Variants in DDI2 observed in about 807,000 individuals in gnomAD.
The protein encoded by DDI2 is DDI proteasomal shuttling factor 2.
DDI2 carries 5 observed loss-of-function variants against 48.1 expected under a neutral mutation model. That is an observed-to-expected ratio of 0.10 (90% CI 0.05 to 0.22). The LOEUF (loss-of-function observed/expected upper bound fraction) is 0.22, where lower values mean the gene tolerates loss of function less well. DDI2 is among the 10% of genes least tolerant of loss of function. The pLI, the probability that DDI2 is intolerant of heterozygous loss-of-function variation, is 1.00. For missense variants in DDI2, 285 were observed against 506.2 expected (o/e 0.56, Z 4.19); for synonymous variants, 205 against 183.6 (o/e 1.12, Z -0.94).
chr1:15,647,793 C>G (rs1640114012), intron 6 of DDI2, among the ~76,000 whole-genome samples: 1 of 151,996 alleles, frequency 6.6e-6, no homozygotes, highest in Non-Finnish European at 1.5e-5. Flanking sequence ...GAAACCACAT[C>G]TCTACTAAAA....
In DDI2 at chr1:15,660,978, T is replaced by C. The variant is rs143305830; in HGVS notation, c.*1188T>C. ...TTTTGGTTGTTAGCAGTAAACCAGCTTCAGAAAATACATCTGAAGAAGTAA... is the reference window on the plus strand; with the variant it reads ...TTTTGGTTGTTAGCAGTAAACCAGCCTCAGAAAATACATCTGAAGAAGTAA... On this transcript the variant is annotated 3_prime_UTR_variant, in exon 10 of 10. Coordinates refer to ENST00000480945, the MANE Select transcript of DDI2 (RefSeq NM_032341.5). The C allele has an allele frequency of 7.1e-4, 1,141 of 1,613,988 alleles. 15 individuals are homozygous for C. The East Asian group carries it at 0.022, about 31-fold the overall frequency.
chr1:15,663,393 G>A lies in DDI2; in HGVS notation c.*3603G>A, dbSNP rs1057041557. ...CTTCTTTCTTTCCTTTTGCTATGAT[G>A]TTTGTATGTATGTTATAAGACTTTA... On this transcript the variant is annotated 3_prime_UTR_variant, in exon 10 of 10. Coordinates refer to ENST00000480945, the MANE Select transcript of DDI2 (RefSeq NM_032341.5). 6.6e-6 allele frequency: 1 copy of A among 152,122 alleles called. No individual in the cohort carries two copies. The highest frequency in any genetic ancestry group is 2.4e-5 in the African/African-American group (1 of 41,422). The allele number at this position is 152,122 out of a possible 1,614,324, so 9.4% of individuals were successfully genotyped here. A position where few individuals can be genotyped will look rare whatever the true frequency, so the allele number is the denominator to read the frequency against.
In DDI2 at chr1:15,638,393, G is replaced by A; in HGVS notation, c.719G>A (p.Cys240Tyr). ...FGQVVMLYIN[C>Y]KVNGHPVKAF... ...CAAGTAGTGATGCTTTATATTAACTGCAAAGTGAATGGACATCCTGTGAAA... is the reference window on the plus strand; with the variant it reads ...CAAGTAGTGATGCTTTATATTAACTACAAAGTGAATGGACATCCTGTGAAA... The change falls in exon 5 of 10, where the codon TGC (cysteine) becomes TAC (tyrosine). Residue 240 changes from cysteine to tyrosine, a missense_variant. Physicochemically the swap from Cys to Tyr is radical, Grantham distance 194. Coordinates refer to ENST00000480945, the MANE Select transcript of DDI2 (RefSeq NM_032341.5). 1 of 1,613,974 alleles carries A rather than the reference G, an allele frequency of 6.2e-7. No individual in the cohort carries two copies. The highest frequency in any genetic ancestry group is 8.5e-7 in the Non-Finnish European group (1 of 1,179,960).
At chr1:15,643,699 G>C in intron 6 of DDI2, 49 bp downstream of exon 6, 1 of 1,588,962 alleles carries the variant, frequency 6.3e-7, no homozygotes, top group Non-Finnish European at 8.6e-7. Context: ...GCTATTTGTA[G>C]GTAGGGTAGT....
Position 15,660,581 on chromosome 1 carries a change from A to G in DDI2, c.*791A>G. On this transcript the variant is annotated 3_prime_UTR_variant, in exon 10 of 10. Coordinates refer to ENST00000480945, the MANE Select transcript of DDI2 (RefSeq NM_032341.5). ...GCGAAGAAAAGTATTCCATCTTCAG[A>G]ATGCAGTGGCTGCTCAAATTCAGAA... 1 of 1,613,820 alleles carries G rather than the reference A, an allele frequency of 6.2e-7. No individual in the cohort carries two copies. The highest frequency in any genetic ancestry group is 1.7e-4 in the Middle Eastern group (1 of 6,060).
chr1:15,634,914 G>C (rs2103468073), intron 4 of DDI2, among the ~76,000 whole-genome samples: 1 of 152,196 alleles, frequency 6.6e-6, no homozygotes. Flanking sequence ...TTACAAGTGT[G>C]AACACCATGT....
chr1:15,635,292 C>T (rs191125457), intron 4 of DDI2, among the ~76,000 whole-genome samples: 5 of 151,052 alleles, frequency 3.3e-5, no homozygotes, highest in East Asian at 1.9e-4. Context: ...TAAGTCATTA[C>T]GAAATTCCAT....
At chr1:15,644,073 T>C (rs371900602) in intron 6 of DDI2, among the ~76,000 whole-genome samples, 1 of 152,244 alleles carries the variant, frequency 6.6e-6, no homozygotes, top group Middle Eastern at 3.2e-3. Flanking sequence ...AATTAATAAT[T>C]GTCCTGTTTT....
Position 15,660,565 on chromosome 1 carries a change from A to G in DDI2, c.*775A>G. The G allele has an allele frequency of 6.2e-7, 1 of 1,613,450 alleles. No individual in the cohort carries two copies. Among genetic ancestry groups the G allele is most frequent in the East Asian group, 2.2e-5 (1 of 44,890 alleles). ...TGTGGATCCTCCAAGTGCGAAGAAA[A>G]GTATTCCATCTTCAGAATGCAGTGG... On this transcript the variant is annotated 3_prime_UTR_variant, in exon 10 of 10. Transcript: ENST00000480945.
At chr1:15,646,705 G>A (rs1640097971) in intron 6 of DDI2, among the ~76,000 whole-genome samples, 1 of 151,964 alleles carries the variant, frequency 6.6e-6, no homozygotes, top group Non-Finnish European at 1.5e-5. Flanking sequence ...AAAAAAAAAT[G>A]TGTGCCTTAG....
At chr1:15,625,040 G>T (rs1320036384) in intron 1 of DDI2, among the ~76,000 whole-genome samples, 1 of 152,114 alleles carries the variant, frequency 6.6e-6, no homozygotes, top group Admixed American at 6.5e-5. Flanking sequence ...TCATTTTCCT[G>T]TTCTGTTCCT....
intron 1 of DDI2, among the ~76,000 whole-genome samples, chr1:15,625,389 G>C (rs1233000566): frequency 6.6e-6 from 1 of 151,890 alleles, no homozygotes; most frequent in African/African-American, 2.4e-5. Context: ...TGTTCTGAAT[G>C]CCTTTCTGGA....
chr1:15,617,760 C>T lies in DDI2; in HGVS notation c.90C>T (p.Phe30=), dbSNP rs776279047. ...ACGCCGACTTCGAGCTGCACAACTT[C>T]CGCGCGCTGTGCGAGCTCGAGTCTG... The part of the protein sequence containing the change: ...QVDADFELHN[F]RALCELESGI... The change falls in exon 1 of 10, where the codon TTC becomes TTT. Residue 30 remains phenylalanine, a synonymous_variant. Coordinates refer to ENST00000480945, the MANE Select transcript of DDI2 (RefSeq NM_032341.5). 3.0e-5 allele frequency: 48 copies of T among 1,610,006 alleles called. No homozygotes were observed. The Admixed American group carries it at 7.0e-4, about 24-fold the overall frequency.
At chr1:15,624,590 C>T (rs1401759875) in intron 1 of DDI2, among the ~76,000 whole-genome samples, 4 of 152,126 alleles carry the variant, frequency 2.6e-5, no homozygotes, top group Non-Finnish European at 4.4e-5. Flanking sequence ...GCCTCAGACT[C>T]CTAAGTAGCT....
intron 6 of DDI2, among the ~76,000 whole-genome samples, chr1:15,648,095 G>A (rs917943102): frequency 6.6e-6 from 1 of 151,914 alleles, no homozygotes; most frequent in Admixed American, 6.6e-5. Context: ...GTTTATTAGG[G>A]TCTTTGTGTT....
At chr1:15,626,168 A>AT (rs1181692789) in intron 1 of DDI2, among the ~76,000 whole-genome samples, 5 of 152,260 alleles carry the variant, frequency 3.3e-5, no homozygotes, top group African/African-American at 9.6e-5. Context: ...AGCATCAGTT[A>AT]TATAACAGGC....
chr1:15,622,491 G>T (rs1353409923), intron 1 of DDI2, among the ~76,000 whole-genome samples: 2 of 152,132 alleles, frequency 1.3e-5, no homozygotes, highest in Admixed American at 6.6e-5. Context: ...AGTCTCTGGG[G>T]TGCCTCCTCT....
At position 15,647,913 on chromosome 1, in the gene DDI2, G is replaced by A. The variant is rs966007982; in HGVS notation, c.890-1807G>A. Reference sequence around the variant, plus strand: ...CGGGAGGCAAAGGTTGCAGTGAGCCGAGATCATGCCAGTGTACTTCAGCCT... The same window carrying A: ...CGGGAGGCAAAGGTTGCAGTGAGCCAAGATCATGCCAGTGTACTTCAGCCT... On this transcript the variant is annotated intron_variant, in intron 6 of 9. Transcript: ENST00000480945. 3.3e-5 allele frequency among the ~76,000 whole-genome samples: 5 copies of A among 152,246 alleles called. 1 individual carries two copies. In the East Asian group the frequency reaches 7.7e-4, roughly 23 times the overall value.
chr1:15,635,395 A>G (rs1016307536), intron 4 of DDI2, among the ~76,000 whole-genome samples: 1 of 152,132 alleles, frequency 6.6e-6, no homozygotes, highest in African/African-American at 2.4e-5. Flanking sequence ...ATAGGGTGAC[A>G]CATCTATTCT....
Sources: gnomAD v4.1 joint callset for allele counts (sites outside exome capture counted in the v4.1 genomes callset) on GRCh38, gnomAD v4.1.1 for gene constraint, MANE v1.5 for transcripts, NCBI Gene and HGNC (gene_info 2026-07-23, HGNC 2026-07-21) for gene names.